DENND1A: variants seen among roughly 807,000 people sequenced by gnomAD.
The protein encoded by DENND1A is DENN domain-containing protein 1A.
In DENND1A, 51 loss-of-function variants were observed where a neutral mutation model predicts 113.7. The observed-to-expected ratio is 0.45, with a 90% confidence interval of 0.36 to 0.57. DENND1A has a LOEUF of 0.57. Among genes scored for constraint, DENND1A ranks in the 20% least tolerant of loss-of-function variants. The pLI, the probability that DENND1A is intolerant of heterozygous loss-of-function variation, is 0.00. For missense variants in DENND1A, 1,258 were observed against 1,395.9 expected, an observed-to-expected ratio of 0.90 and a Z score of 1.57; for synonymous variants, 565 against 570.8, an observed-to-expected ratio of 0.99 and a Z score of 0.14.
chr9:123,638,106 T>TCTACTAGATATCTA (rs1444582079), intron 9 of DENND1A, among the ~76,000 whole-genome samples: 8 of 152,058 alleles, frequency 5.3e-5, no homozygotes, highest in African/African-American at 1.9e-4. Context: ...TTTAAAGCTA[T>TCTACTAGATATCTA]CTACTAGAGT....
rs182748346 is a variant in DENND1A at position 123,489,328 on chromosome 9, A to G, written c.994-31431T>C. On this transcript the variant is annotated intron_variant, in intron 13 of 23. Coordinates refer to ENST00000394215, the MANE Select transcript of DENND1A (RefSeq NM_001352964.2). ...TGAGCCGCTAGCACAGCAGTGGCACACACAGGAAATGCTTCCATCCATGAA... is the reference window on the plus strand; with the variant it reads ...TGAGCCGCTAGCACAGCAGTGGCACGCACAGGAAATGCTTCCATCCATGAA... 9.3e-4 allele frequency among the ~76,000 whole-genome samples: 141 copies of G among 152,364 alleles called. 1 individual carries two copies. The highest frequency in any genetic ancestry group is 3.3e-3 in the African/African-American group (136 of 41,592).
chr9:123,607,153 G>A (rs1408285836), intron 11 of DENND1A, among the ~76,000 whole-genome samples: 1 of 152,072 alleles, frequency 6.6e-6, no homozygotes, highest in Non-Finnish European at 1.5e-5. Context: ...GCAATGTTGT[G>A]ACTATGCACT....
At chr9:123,762,855 C>A (rs2479105) in intron 4 of DENND1A, among the ~76,000 whole-genome samples, 18,344 of 152,160 alleles carry the variant, frequency 0.12, 1,439 homozygotes, top group African/African-American at 0.22. Flanking sequence ...TGAAATGGAG[C>A]AGCCACTCAA....
At chr9:123,452,047 A>AAT (rs397798419) in intron 17 of DENND1A, among the ~76,000 whole-genome samples, 3 of 150,668 alleles carry the variant, frequency 2.0e-5, no homozygotes, top group African/African-American at 7.3e-5. Flanking sequence ...AAAAAAAAAA[A>AAT]GCCAGGCGTG....
chr9:123,701,517 T>A (rs1239155260), intron 5 of DENND1A, among the ~76,000 whole-genome samples: 1 of 152,142 alleles, frequency 6.6e-6, no homozygotes, highest in Non-Finnish European at 1.5e-5. Context: ...CTCTAGGGCC[T>A]CTAACTCCAG....
chr9:123,893,882 C>T lies in DENND1A; in HGVS notation c.18-14861G>A, dbSNP rs79905446. ...TATTCAAGATGCATCTAGAACAGTG[C>T]TTGGCAAGTAGTAGGCACTTAAGAG... On this transcript the variant is annotated intron_variant, in intron 1 of 23. Coordinates refer to ENST00000394215, the MANE Select transcript of DENND1A (RefSeq NM_001352964.2). 2.2e-3 allele frequency among the ~76,000 whole-genome samples: 331 copies of T among 152,236 alleles called. 2 individuals are homozygous for T. The highest frequency in any genetic ancestry group is 6.7e-3 in the African/African-American group (278 of 41,536).
intron 9 of DENND1A, among the ~76,000 whole-genome samples, chr9:123,635,860 C>T (rs1357068042): frequency 6.6e-6 from 1 of 152,164 alleles, no homozygotes; most frequent in Non-Finnish European, 1.5e-5. Context: ...TGCTCCGAGT[C>T]TTCTGCTAAC....
intron 5 of DENND1A, among the ~76,000 whole-genome samples, chr9:123,748,368 A>G (rs1222704800): frequency 6.6e-6 from 1 of 152,242 alleles, no homozygotes; most frequent in Non-Finnish European, 1.5e-5. Flanking sequence ...TTAAAAAATA[A>G]CATCCTAAAA....
intron 6 of DENND1A, among the ~76,000 whole-genome samples, chr9:123,675,120 A>C (rs1027218890): frequency 6.6e-6 from 1 of 152,120 alleles, no homozygotes; most frequent in Non-Finnish European, 1.5e-5. Flanking sequence ...GAGTGTAGTG[A>C]TCAAGGAAGC....
chr9:123,503,002 C>A (rs139662476), intron 13 of DENND1A, among the ~76,000 whole-genome samples: 42 of 152,282 alleles, frequency 2.8e-4, no homozygotes, highest in African/African-American at 9.6e-4. Context: ...TATGATGAAG[C>A]CTTAGTTTGC....
At chr9:123,592,631 C>T (rs909828752) in intron 11 of DENND1A, among the ~76,000 whole-genome samples, 1 of 152,154 alleles carries the variant, frequency 6.6e-6, no homozygotes, top group South Asian at 2.1e-4. Flanking sequence ...AAAAACTCAG[C>T]TAGCTGTACA....
intron 3 of DENND1A, among the ~76,000 whole-genome samples, chr9:123,791,815 C>T (rs1482316498): frequency 5.3e-5 from 8 of 152,118 alleles, no homozygotes; most frequent in African/African-American, 1.9e-4. Flanking sequence ...ATCAAGAATG[C>T]TTTTATTTCA....
chr9:123,558,327 T>C (rs142435229), intron 12 of DENND1A, among the ~76,000 whole-genome samples: 11 of 152,294 alleles, frequency 7.2e-5, no homozygotes, highest in Admixed American at 3.3e-4. Flanking sequence ...TAAAGCTACT[T>C]ACAAATGTTA....
At chr9:123,429,314 TGGAGGCCGG>T (rs558065427) in intron 19 of DENND1A, among the ~76,000 whole-genome samples, 1 of 152,298 alleles carries the variant, frequency 6.6e-6, no homozygotes, top group South Asian at 2.1e-4. Flanking sequence ...CCAGCACTTT[TGGAGGCCGG>T]GGAGGGTGGA....
chr9:123,833,566 T>TA (rs1162151616), intron 2 of DENND1A, among the ~76,000 whole-genome samples: 1 of 151,914 alleles, frequency 6.6e-6, no homozygotes, highest in African/African-American at 2.4e-5. Flanking sequence ...AAATGGTTAG[T>TA]AAAAAAAAGT....
chr9:123,794,958 T>G (rs772968327), intron 2 of DENND1A, among the ~76,000 whole-genome samples: 2 of 152,158 alleles, frequency 1.3e-5, no homozygotes, highest in Non-Finnish European at 2.9e-5. Context: ...CGCCATCAAT[T>G]AGATTCCTTC....
intron 12 of DENND1A, among the ~76,000 whole-genome samples, chr9:123,564,437 T>C (rs2057937118): frequency 6.6e-6 from 1 of 152,250 alleles, no homozygotes; most frequent in African/African-American, 2.4e-5. Flanking sequence ...CCGTTTGATT[T>C]GGCCAGTCTC....
chr9:123,752,154 C>A (rs2070108675), intron 5 of DENND1A, among the ~76,000 whole-genome samples: 1 of 151,724 alleles, frequency 6.6e-6, no homozygotes, highest in South Asian at 2.1e-4. Flanking sequence ...CTACCAAGTT[C>A]AGAAAGTTCA....
intron 2 of DENND1A, among the ~76,000 whole-genome samples, chr9:123,869,876 C>A (rs1846271891): frequency 6.6e-6 from 1 of 151,982 alleles, no homozygotes; most frequent in African/African-American, 2.4e-5. Flanking sequence ...CCTGTAGTCC[C>A]AGCTACTGGG....
Sources: allele counts gnomAD v4.1 joint callset (sites outside exome capture counted in the v4.1 genomes callset), GRCh38; gene constraint gnomAD v4.1.1; transcripts MANE v1.5; gene names NCBI Gene and HGNC (gene_info 2026-07-23, HGNC 2026-07-21).